The following CARNS1 variants were observed in gnomAD, a reference collection of about 807,000 sequenced individuals.
CARNS1 encodes carnosine synthase 1.
A neutral mutation model predicts 74.0 loss-of-function variants in CARNS1; 61 were observed. That is an observed-to-expected ratio of 0.82 (90% CI 0.67 to 1.02). The LOEUF (loss-of-function observed/expected upper bound fraction) is 1.02, where lower values mean the gene tolerates loss of function less well. Among genes scored for constraint, CARNS1 ranks in the 50% least tolerant of loss-of-function variants. The probability of loss-of-function intolerance (pLI) is 0.00; values close to 1 mark genes in which losing one functional copy is unlikely to be tolerated. For synonymous variants in CARNS1, 568 were observed against 605.5 expected (o/e 0.94, Z 0.91); for missense variants, 1,278 against 1,308.4 (o/e 0.98, Z 0.36).
rs750753202 is a variant in CARNS1 at position 67,424,362 on chromosome 11, G to A, written c.2614G>A (p.Ala872Thr). 8 of 1,601,914 alleles carry A rather than the reference G, an allele frequency of 5.0e-6. No individual in the cohort carries two copies. The highest frequency in any genetic ancestry group is 6.0e-6 in the Non-Finnish European group (7 of 1,174,804). The change falls in exon 10 of 10, where the codon GCC (alanine) becomes ACC (threonine). Residue 872 changes from alanine to threonine, a missense_variant. By Grantham distance (58) the Ala-to-Thr change is moderately conservative. This residue lies in a region of CARNS1 where 1,164 missense variants were observed against 1,156.5 expected (regional missense o/e 1.01). Transcript: ENST00000687366. ...VMCLVSQHLQ[A>T]LSSTASRETL... ...GTGCCTTGTGTCCCAGCACCTGCAG[G>A]CCCTGAGTTCCACCGCCAGCCGTGA...
At chr11:67,422,080 G>C (rs1863721642) in intron 9 of CARNS1, among the ~76,000 whole-genome samples, 1 of 150,050 alleles carries the variant, frequency 6.7e-6, no homozygotes, top group African/African-American at 2.5e-5. Flanking sequence ...CACCATGTTA[G>C]CCAGGATGGT....
chr11:67,418,806 C>A lies in CARNS1; in HGVS notation c.415C>A (p.Pro139Thr). 6.2e-7 allele frequency: 1 copy of A among 1,600,470 alleles called. No homozygotes were observed. The highest frequency in any genetic ancestry group is 8.5e-7 in the Non-Finnish European group (1 of 1,174,264). ...TGCTTGGCTGATGAAGGTGCCAGCACCCGGGCAGCCGGGTGAGGCAGCCCT... is the reference window on the plus strand; with the variant it reads ...TGCTTGGCTGATGAAGGTGCCAGCAACCGGGCAGCCGGGTGAGGCAGCCCT... The part of the protein sequence containing the change: ...SPAWLMKVPA[P>T]GQPGEAALLV... Residue 139 changes from proline (P) to threonine (T), a missense_variant, in exon 5 of 10, where the codon CCC becomes ACC. By Grantham distance (38) the Pro-to-Thr change is conservative (BLOSUM62 -1). This residue lies in a region of CARNS1 where 1,164 missense variants were observed against 1,156.5 expected (regional missense o/e 1.01). Transcript: ENST00000687366.
chr11:67,417,466 G>A lies in CARNS1; in HGVS notation c.63G>A (p.Glu21=). 1 of 1,450,980 alleles carries A rather than the reference G, an allele frequency of 6.9e-7. No individual in the cohort carries two copies. The highest frequency in any genetic ancestry group is 9.1e-7 in the Non-Finnish European group (1 of 1,104,810). The allele number at this position is 1,450,980 out of a possible 1,614,324, so 89.9% of individuals were successfully genotyped here. ...GCCCACTGGGCTCCAAGGACCTGGAGGAAGAGGGCCCCTGGGGAGGGGGCT... is the reference window on the plus strand; with the variant it reads ...GCCCACTGGGCTCCAAGGACCTGGAAGAAGAGGGCCCCTGGGGAGGGGGCT... ...WDCPLGSKDL[E]EEGPWGGGSG... The change falls in exon 3 of 10, where the codon GAG becomes GAA. Residue 21 remains glutamate, a synonymous_variant. Transcript: ENST00000687366.
At chr11:67,420,113 A>G (rs1260665202) in intron 7 of CARNS1, among the ~76,000 whole-genome samples, 1 of 152,076 alleles carries the variant, frequency 6.6e-6, no homozygotes, top group Non-Finnish European at 1.5e-5. Context: ...CTTCCCAGAG[A>G]GCTCTTGCCC....
Position 67,419,812 on chromosome 11 carries a change from CAG to C in CARNS1, c.1088_1089del (p.Gln363ArgfsTer2). 1 of 1,595,468 alleles carries C rather than the reference CAG, an allele frequency of 6.3e-7. No individual in the cohort carries two copies. Among genetic ancestry groups the C allele is most frequent in the Non-Finnish European group, 8.5e-7 (1 of 1,171,538 alleles). ...AATCTGTGCTGTGGTGTGTCGGACACAGGGTGATAGGCCACTGCTGAGCAAGG... is the reference window on the plus strand; with the variant it reads ...AATCTGTGCTGTGGTGTGTCGGACACGGTGATAGGCCACTGCTGAGCAAGG... ...VRICAVVCRT[Q>X]GDRPLLSKVV... is the part of the protein sequence containing the mutation. On this transcript the variant is annotated frameshift_variant, in exon 7 of 10. Coordinates refer to ENST00000687366, the MANE Select transcript of CARNS1 (RefSeq NM_001166222.2). LOFTEE classifies it high-confidence loss of function.
rs1040244062 is a variant in CARNS1, at chr11:67,424,028, C to T, written c.2280C>T (p.Phe760=). 1.2e-6 allele frequency: 2 copies of T among 1,612,718 alleles called. No individual in the cohort carries two copies. Among genetic ancestry groups the T allele is most frequent in the Non-Finnish European group, 1.7e-6 (2 of 1,179,754 alleles). ...ATGGCCCTACGAGGCTGCCTGGCTTCACTGAGACGGCGGCCTGCATGCCCA... is the reference window on the plus strand; with the variant it reads ...ATGGCCCTACGAGGCTGCCTGGCTTTACTGAGACGGCGGCCTGCATGCCCA... The part of the protein sequence containing the change: ...SDNGPTRLPG[F]TETAACMPTG... The change falls in exon 10 of 10, where the codon TTC becomes TTT. Residue 760 remains phenylalanine, a synonymous_variant. Transcript: ENST00000687366.
intron 4 of CARNS1, 39 bp downstream of exon 4, chr11:67,418,559 A>G (rs758506028): frequency 4.3e-5 from 65 of 1,517,006 alleles, no homozygotes; most frequent in Non-Finnish European, 5.6e-5. Context: ...CCTTCTACAG[A>G]AAGGGCAGCC....
chr11:67,416,070 GGT>G (rs1348556440), intron 1 of CARNS1, 104 bp from the exon 2 acceptor site: 17 of 732,522 alleles, frequency 2.3e-5, no homozygotes, highest in Middle Eastern at 2.3e-4. Flanking sequence ...TGCAGGGACA[GGT>G]GTCGGCCACC....
chr11:67,417,991 C>T (rs1056077893), intron 3 of CARNS1, among the ~76,000 whole-genome samples: 1 of 152,214 alleles, frequency 6.6e-6, no homozygotes, highest in Non-Finnish European at 1.5e-5. Flanking sequence ...GTGGAGGCAG[C>T]TCAGCAGCTG....
intron 4 of CARNS1, 42 bp downstream of exon 4, chr11:67,418,562 G>A (rs777910151): frequency 5.6e-5 from 85 of 1,513,824 alleles, no homozygotes; most frequent in Non-Finnish European, 7.3e-5. Flanking sequence ...TCTACAGAAA[G>A]GGCAGCCCTG....
In CARNS1 at chr11:67,417,694, T is replaced by G. The variant is rs1294057197; in HGVS notation, c.274+17T>G. On this transcript the variant is annotated intron_variant, in intron 3 of 9. Coordinates refer to ENST00000687366, the MANE Select transcript of CARNS1 (RefSeq NM_001166222.2). Reference sequence around the variant, plus strand: ...CCCGCACAGGTGCCCAAGGGCTCCCTGGAGGGAGGCACCTCTGGGGGCAGG... The same window carrying G: ...CCCGCACAGGTGCCCAAGGGCTCCCGGGAGGGAGGCACCTCTGGGGGCAGG... 1.6e-6 allele frequency: 2 copies of G among 1,247,060 alleles called. No homozygotes were observed. Among genetic ancestry groups the G allele is most frequent in the Non-Finnish European group, 2.0e-6 (2 of 994,328 alleles). 77.2% of individuals were successfully genotyped at this position (1,247,060 alleles called of 1,614,324 possible).
At chr11:67,416,370 GGTGGGCACTCTTA>G in intron 2 of CARNS1, 168 bp downstream of exon 2, 1 of 1,454,378 alleles carries the variant, frequency 6.9e-7, no homozygotes. Context: ...CATCCTGGGA[GGTGGGCACTCTTA>G]GTGCCCTGTG....
chr11:67,423,959 G>C lies in CARNS1; in HGVS notation c.2211G>C (p.Leu737=). 1 of 1,613,558 alleles carries C rather than the reference G, an allele frequency of 6.2e-7. No homozygotes were observed. Among genetic ancestry groups the C allele is most frequent in the Admixed American group, 1.7e-5 (1 of 60,016 alleles). The stretch of plus-strand genomic sequence containing the variant: ...AGGGCACCGAGCACGACGTGGACCT[G>C]GTGTTGTTTGGTGGGCGGTTGCTGG... ...FVEGTEHDVD[L]VLFGGRLLAA... is the part of the protein sequence containing the mutation. The change falls in exon 10 of 10, where the codon CTG becomes CTC. Residue 737 remains leucine (L), a synonymous_variant. Coordinates refer to ENST00000687366, the MANE Select transcript of CARNS1 (RefSeq NM_001166222.2). This position sits in a 1 kb window ranked among gnomAD's most constrained non-coding sequence, Gnocchi z 5.1.
chr11:67,423,490 A>G lies in CARNS1; in HGVS notation c.1742A>G (p.Glu581Gly), dbSNP rs376010565. 8.7e-6 allele frequency: 14 copies of G among 1,613,912 alleles called. No homozygotes were observed. The African/African-American group carries it at 1.6e-4, about 18-fold the overall frequency. The change falls in exon 10 of 10, where the codon GAG (glutamate) becomes GGG (glycine). Residue 581 changes from glutamate to glycine, a missense_variant. Around this residue, in one of 3 missense-constraint regions of CARNS1, gnomAD observed 1,164 missense variants for 1,156.5 expected, o/e 1.01. Coordinates refer to ENST00000687366, the MANE Select transcript of CARNS1 (RefSeq NM_001166222.2). The surrounding 1 kb of genome is among the most constrained non-coding windows in gnomAD (Gnocchi z 5.1). ...GAGGAGAACGCACGGCTGCTGGCAG[A>G]GTTGGTGCGGGCTCGCGGCCTCAAG... ...RDEENARLLA[E>G]LVRARGLKLD...
rs59798232 is a variant in CARNS1, at chr11:67,424,861, CCA to C, written c.*290_*291del. The C allele has an allele frequency of 0.098, 46,306 of 472,364 alleles. 1 individual carries two copies. The highest frequency in any genetic ancestry group is 0.15 in the South Asian group (7,331 of 49,246). 29.3% of individuals were successfully genotyped at this position (472,364 alleles called of 1,614,324 possible). On this transcript the variant is annotated 3_prime_UTR_variant, in exon 10 of 10. Coordinates refer to ENST00000687366, the MANE Select transcript of CARNS1 (RefSeq NM_001166222.2). The stretch of plus-strand genomic sequence containing the variant: ...TCTAGCCTTGGAGAAATGACAATGG[CCA>C]CACACACACACACACACACACACAC...
chr11:67,421,242 C>A, intron 9 of CARNS1, 23 bp downstream of exon 9: 1 of 1,467,228 alleles, frequency 6.8e-7, no homozygotes, highest in South Asian at 1.3e-5. Context: ...CGGGGCGGGG[C>A]TGGGCCCCAG....
At chr11:67,418,564 G>A in intron 4 of CARNS1, 44 bp downstream of exon 4, 2 of 1,512,754 alleles carry the variant, frequency 1.3e-6, no homozygotes, top group East Asian at 4.9e-5. Flanking sequence ...TACAGAAAGG[G>A]CAGCCCTGCC....
chr11:67,418,394 C>A (rs903202187), intron 3 of CARNS1, 37 bp from the exon 4 acceptor site: 5 of 1,393,194 alleles, frequency 3.6e-6, no homozygotes, highest in East Asian at 2.8e-5. Flanking sequence ...ACAGCAAGGG[C>A]GCCCCTGGTG....
At position 67,417,869 on chromosome 11, in the gene CARNS1, T is replaced by A. The variant is rs548874146; in HGVS notation, c.274+192T>A. Among the ~76,000 whole-genome samples, 5 of 152,122 alleles carry A rather than the reference T, an allele frequency of 3.3e-5. No individual in the cohort carries two copies. In the South Asian group the frequency reaches 1.0e-3, roughly 32 times the overall value. ...GCAAGGGCATCTGGCACCAGTGAGG[T>A]CAAGGATTGGGCTCCCTGCCCTCAC... On this transcript the variant is annotated intron_variant, in intron 3 of 9. Transcript: ENST00000687366.
Sources: allele counts gnomAD v4.1 joint callset (sites outside exome capture counted in the v4.1 genomes callset), GRCh38; gene constraint gnomAD v4.1.1; regional missense constraint gnomAD v4.1.1; non-coding constraint Gnocchi (gnomAD v3.1); transcripts MANE v1.5; gene names NCBI Gene and HGNC (gene_info 2026-07-23, HGNC 2026-07-21).